SMOC2: variants seen among roughly 807,000 people sequenced by gnomAD.
SMOC2 encodes SPARC-related modular calcium-binding protein 2.
A neutral mutation model predicts 61.4 loss-of-function variants in SMOC2; 39 were observed. The ratio of observed to expected loss-of-function variants is 0.64; its 90% CI spans 0.49 to 0.83. The LOEUF is 0.83. Ranked by LOEUF, SMOC2 falls within the 40% of genes least tolerant of loss-of-function variation. The pLI, the probability that SMOC2 is intolerant of heterozygous loss-of-function variation, is 0.00. For missense variants in SMOC2, 556 were observed against 592.9 expected, an observed-to-expected ratio of 0.94 and a Z score of 0.65; for synonymous variants, 247 against 239.9, an observed-to-expected ratio of 1.03 and a Z score of -0.27.
chr6:168,442,071 C>G (rs891060511), intron 1 of SMOC2, among the ~76,000 whole-genome samples: 5 of 152,232 alleles, frequency 3.3e-5, no homozygotes, highest in Admixed American at 6.5e-5. Context: ...TCCCAGAGAC[C>G]CTCGTAAGTG....
At chr6:168,541,966 A>G (rs1783885958) in intron 4 of SMOC2, among the ~76,000 whole-genome samples, 1 of 152,292 alleles carries the variant, frequency 6.6e-6, no homozygotes, top group Admixed American at 6.5e-5. Flanking sequence ...ACAGTGCAAA[A>G]TATTTTCTTA....
chr6:168,575,102 A>G (rs1383516430), intron 7 of SMOC2, among the ~76,000 whole-genome samples: 1 of 152,150 alleles, frequency 6.6e-6, no homozygotes, highest in Non-Finnish European at 1.5e-5. Context: ...CTGTGGGGAA[A>G]GGTTTGTGCG....
At position 168,605,991 on chromosome 6, in the gene SMOC2, G is replaced by A. The variant is rs546003531; in HGVS notation, c.825-2166G>A. Among the ~76,000 whole-genome samples, 4 of 152,304 alleles carry A rather than the reference G, an allele frequency of 2.6e-5. 1 individual carries two copies. The South Asian group carries it at 8.3e-4, about 32-fold the overall frequency. On this transcript the variant is annotated intron_variant, in intron 8 of 12. Transcript: ENST00000356284. Reference sequence around the variant, plus strand: ...TCGGGCAGGAAGGGTCCATTCTAATGTAGGTCTCAATTCGGCCCCTGAGAC... The same window carrying A: ...TCGGGCAGGAAGGGTCCATTCTAATATAGGTCTCAATTCGGCCCCTGAGAC...
At chr6:168,538,408 A>G (rs1355797943) in intron 4 of SMOC2, among the ~76,000 whole-genome samples, 18 of 23,480 alleles carry the variant, frequency 7.7e-4, no homozygotes, top group South Asian at 1.7e-3. Flanking sequence ...GCTGGCATGT[A>G]GGGGAGTGGG....
intron 11 of SMOC2, among the ~76,000 whole-genome samples, chr6:168,655,932 C>T (rs185183185): frequency 1.4e-3 from 211 of 151,802 alleles, no homozygotes; most frequent in African/African-American, 4.7e-3. Context: ...GATCCCACTG[C>T]GCGTGTGTGC....
intron 10 of SMOC2, among the ~76,000 whole-genome samples, chr6:168,651,433 A>G (rs1359016491): frequency 1.3e-5 from 2 of 152,048 alleles, no homozygotes; most frequent in Non-Finnish European, 2.9e-5. Flanking sequence ...GCCTCAGGAG[A>G]GCAGAAGAAC....
intron 11 of SMOC2, among the ~76,000 whole-genome samples, chr6:168,653,453 G>A (rs1054764426): frequency 6.6e-6 from 1 of 152,272 alleles, no homozygotes; most frequent in Non-Finnish European, 1.5e-5. Flanking sequence ...GGCATGAACT[G>A]CGTGTTGGTT....
At chr6:168,650,884 T>C (rs1787176216) in intron 10 of SMOC2, 101 bp downstream of exon 10, 1 of 1,104,766 alleles carries the variant, frequency 9.1e-7, no homozygotes, top group African/African-American at 1.6e-5. Flanking sequence ...TCTCAGCTTA[T>C]TTGGACACAG....
intron 1 of SMOC2, among the ~76,000 whole-genome samples, chr6:168,500,288 A>G (rs1327052075): frequency 4.3e-5 from 1 of 23,068 alleles, no homozygotes; most frequent in Non-Finnish European, 8.4e-5. Flanking sequence ...CTCTGTCTCA[A>G]AAAAAAAAAA....
chr6:168,564,931 C>G (rs535736377), intron 7 of SMOC2, among the ~76,000 whole-genome samples: 1 of 152,278 alleles, frequency 6.6e-6, no homozygotes, highest in Non-Finnish European at 1.5e-5. Flanking sequence ...TAATTTTTTC[C>G]TTCAGTCTTG....
Position 168,441,303 on chromosome 6 carries a change from G to A in SMOC2, c.-68G>A. ...CCCGCCCAGCCGCGCTCGCCCACTG[G>A]GCTCTCCCGGCTGCAGTGCCAGGGC... On this transcript the variant is annotated 5_prime_UTR_variant, in exon 1 of 13. Transcript: ENST00000356284. The A allele has an allele frequency of 6.8e-7, 1 of 1,466,586 alleles. No homozygotes were observed. Among genetic ancestry groups the A allele is most frequent in the African/African-American group, 1.5e-5 (1 of 67,888 alleles). The allele number at this position is 1,466,586 out of a possible 1,614,324, so 90.8% of individuals were successfully genotyped here.
chr6:168,621,832 A>G (rs555213299), intron 9 of SMOC2, among the ~76,000 whole-genome samples: 2 of 152,040 alleles, frequency 1.3e-5, no homozygotes, highest in East Asian at 1.9e-4. Flanking sequence ...TGGGATTACA[A>G]TTCAAGGTGA....
intron 9 of SMOC2, among the ~76,000 whole-genome samples, chr6:168,640,818 A>G (rs1786875707): frequency 6.6e-6 from 1 of 152,224 alleles, no homozygotes; most frequent in African/African-American, 2.4e-5. Context: ...TTGACTTGAA[A>G]GCATTTCCTA....
intron 7 of SMOC2, among the ~76,000 whole-genome samples, chr6:168,569,588 A>C (rs1377696195): frequency 6.6e-6 from 1 of 152,050 alleles, no homozygotes; most frequent in Non-Finnish European, 1.5e-5. Context: ...CCACAGGCGC[A>C]CACCACCACG....
intron 11 of SMOC2, among the ~76,000 whole-genome samples, chr6:168,656,555 GA>G (rs5881806): frequency 0.42 from 56,800 of 135,738 alleles, 14,047 homozygotes; most frequent in Non-Finnish European, 0.57. Context: ...AAGAGAAAAG[GA>G]AAAAAAAAAA....
At position 168,652,969 on chromosome 6, in the gene SMOC2, C is replaced by A. The variant is rs1355022565; in HGVS notation, c.1026C>A (p.Asp342Glu). ...SSSSGRLSEP[D>E]PSHTLEERVV... Reference sequence around the variant, plus strand: ...TTCCTTCCAGGCTCTCAGAACCCGACCCCAGCCATACCCTAGAGGAGCGGG... The same window carrying A: ...TTCCTTCCAGGCTCTCAGAACCCGAACCCAGCCATACCCTAGAGGAGCGGG... Residue 342 changes from aspartate to glutamate, a missense_variant, in exon 11 of 13, where the codon GAC (aspartate) becomes GAA (glutamate). Coordinates refer to ENST00000356284, the MANE Select transcript of SMOC2 (RefSeq NM_001166412.2). 1 of 1,613,496 alleles carries A rather than the reference C, an allele frequency of 6.2e-7. No homozygotes were observed. The highest frequency in any genetic ancestry group is 1.3e-5 in the African/African-American group (1 of 74,802).
rs946732196 is a variant in SMOC2, at chr6:168,453,936, A to G, written c.84+12482A>G. ...CCTCTCTCTCTGTCTCTCTGATTCT[A>G]TCTTTGGTCTCTGCCATTCTCCCTC... On this transcript the variant is annotated intron_variant, in intron 1 of 12. Transcript: ENST00000356284. The surrounding 1 kb of genome is among the most constrained non-coding windows in gnomAD (Gnocchi z 4.4). Among the ~76,000 whole-genome samples the G allele has an allele frequency of 2.7e-5, 4 of 149,202 alleles. No homozygotes were observed. The highest frequency in any genetic ancestry group is 2.2e-4 in the South Asian group (1 of 4,620).
intron 7 of SMOC2, among the ~76,000 whole-genome samples, chr6:168,571,841 C>T (rs1411615429): frequency 7.6e-6 from 1 of 130,910 alleles, no homozygotes; most frequent in African/African-American, 2.8e-5. Flanking sequence ...GGGCTGCGTG[C>T]TCCCTGAACG....
At chr6:168,465,023 G>A (rs898489372) in intron 1 of SMOC2, among the ~76,000 whole-genome samples, 3 of 151,984 alleles carry the variant, frequency 2.0e-5, no homozygotes, top group African/African-American at 4.8e-5. Flanking sequence ...AGTGACTTAC[G>A]TCCAGGAGCG....
Sources: gnomAD v4.1 joint callset for allele counts (sites outside exome capture counted in the v4.1 genomes callset) on GRCh38, gnomAD v4.1.1 for gene constraint, Gnocchi (gnomAD v3.1) non-coding constraint, MANE v1.5 for transcripts, NCBI Gene and HGNC (gene_info 2026-07-23, HGNC 2026-07-21) for gene names.